FARS2: variants seen among roughly 807,000 people sequenced by gnomAD.
The protein encoded by FARS2 is phenylalanyl-tRNA synthetase 2, mitochondrial.
FARS2 carries 40 observed loss-of-function variants against 46.4 expected under a neutral mutation model. That is an observed-to-expected ratio of 0.86 (90% CI 0.67 to 1.12). The LOEUF (loss-of-function observed/expected upper bound fraction) is 1.12, where lower values mean the gene tolerates loss of function less well. Ranked by LOEUF, FARS2 falls within the 50% of genes most tolerant of loss-of-function variation. The probability of loss-of-function intolerance (pLI) is 0.00; values close to 1 mark genes in which losing one functional copy is unlikely to be tolerated. For missense variants in FARS2, 513 were observed against 567.9 expected (o/e 0.90, Z 0.98); for synonymous variants, 234 against 214.9 (o/e 1.09, Z -0.78).
chr6:5,459,555 G>T (rs888871012), intron 4 of FARS2, among the ~76,000 whole-genome samples: 1 of 152,064 alleles, frequency 6.6e-6, no homozygotes, highest in Non-Finnish European at 1.5e-5. Context: ...GCCCATGTCG[G>T]TGTGCCCAGA....
chr6:5,434,462 A>G (rs1424442215), intron 4 of FARS2, among the ~76,000 whole-genome samples: 1 of 152,222 alleles, frequency 6.6e-6, no homozygotes. Flanking sequence ...AGGAAATGGA[A>G]GAAGAGACAA....
intron 4 of FARS2, among the ~76,000 whole-genome samples, chr6:5,540,872 G>A (rs994935719): frequency 3.3e-5 from 5 of 152,178 alleles, no homozygotes; most frequent in African/African-American, 9.7e-5. Flanking sequence ...TAGGAGAGGG[G>A]CAAGTGTTAG....
At chr6:5,751,070 T>C (rs1320853474) in intron 6 of FARS2, among the ~76,000 whole-genome samples, 1 of 152,178 alleles carries the variant, frequency 6.6e-6, no homozygotes, top group Non-Finnish European at 1.5e-5. Flanking sequence ...TCAATGTTTT[T>C]TCTGAGTTGT....
intron 4 of FARS2, among the ~76,000 whole-genome samples, chr6:5,439,629 G>A (rs2127784433): frequency 6.6e-6 from 1 of 152,348 alleles, no homozygotes; most frequent in Middle Eastern, 3.4e-3. Flanking sequence ...GACCTGAACT[G>A]TAGTTTGGGT....
chr6:5,684,237 G>C (rs1294062175), intron 6 of FARS2, among the ~76,000 whole-genome samples: 1 of 152,080 alleles, frequency 6.6e-6, no homozygotes, highest in Non-Finnish European at 1.5e-5. Context: ...GTCCTCAGAG[G>C]ACCATCCCCG....
Position 5,731,869 on chromosome 6 carries a change from T to C in FARS2, c.1218-39422T>C, listed in dbSNP as rs188130551. ...ACCCTTCCCCCTCTCAGTGTCCTGA[T>C]GTGGTTTATTCTTTCATGTTTCATC... On this transcript the variant is annotated intron_variant, in intron 6 of 6. Coordinates refer to ENST00000274680, the MANE Select transcript of FARS2 (RefSeq NM_006567.5). Among the ~76,000 whole-genome samples the C allele has an allele frequency of 4.3e-3, 648 of 152,112 alleles. 3 individuals are homozygous for C. The highest frequency in any genetic ancestry group is 5.2e-3 in the Admixed American group (79 of 15,296).
chr6:5,260,518 C>T (rs114666246), upstream of FARS2: 3 of 1,260,790 alleles, frequency 2.4e-6, no homozygotes, highest in African/African-American at 1.5e-5. Flanking sequence ...TGGCGGAGCC[C>T]GGTCCTTGCC....
chr6:5,503,405 CAGAG>C (rs869089548), intron 4 of FARS2, among the ~76,000 whole-genome samples: 2,564 of 39,536 alleles, frequency 0.065, 68 homozygotes, highest in African/African-American at 0.21. Flanking sequence ...CACACACACA[CAGAG>C]AGAGAGAGAG....
rs1441485069 is a variant in FARS2 at position 5,444,365 on chromosome 6, G to A, written c.904+13193G>A. Among the ~76,000 whole-genome samples, 4 of 151,338 alleles carry A rather than the reference G, an allele frequency of 2.6e-5. No individual in the cohort carries two copies. In the East Asian group the frequency reaches 7.8e-4, roughly 29 times the overall value. ...GCCTGTAATCCCAGCTACTTGGGAG[G>A]CTGAGGCAGGAGAATCGCTTGAATC... is the stretch of plus-strand genomic sequence containing the variant. On this transcript the variant is annotated intron_variant, in intron 4 of 6. Transcript: ENST00000274680.
chr6:5,451,976 C>G (rs1461121348), intron 4 of FARS2: 1 of 152,210 alleles, frequency 6.6e-6, no homozygotes, highest in South Asian at 2.1e-4. Context: ...TATAGTTACA[C>G]GATAGTTAAC....
chr6:5,298,862 CAAAAAAAAAA>C (rs771852149), intron 1 of FARS2, among the ~76,000 whole-genome samples: 10 of 74,766 alleles, frequency 1.3e-4, no homozygotes, highest in African/African-American at 4.2e-4. Flanking sequence ...AACTCCATCT[CAAAAAAAAAA>C]AAAAAAAAAA....
chr6:5,306,229 A>G (rs1313422938), intron 1 of FARS2, among the ~76,000 whole-genome samples: 1 of 152,142 alleles, frequency 6.6e-6, no homozygotes, highest in Non-Finnish European at 1.5e-5. Context: ...CTCACCCCCA[A>G]TCTGATGAGC....
At chr6:5,530,901 A>G in intron 4 of FARS2, among the ~76,000 whole-genome samples, 1 of 147,390 alleles carries the variant, frequency 6.8e-6, no homozygotes, top group Middle Eastern at 3.6e-3. Context: ...CAATCTATGT[A>G]TAACTATATA....
intron 4 of FARS2, among the ~76,000 whole-genome samples, chr6:5,510,928 C>T (rs1404987199): frequency 6.6e-6 from 1 of 152,206 alleles, no homozygotes; most frequent in Non-Finnish European, 1.5e-5. Context: ...TGCAGCCCCC[C>T]AGTGGGCTTG....
intron 1 of FARS2, among the ~76,000 whole-genome samples, chr6:5,279,380 A>T (rs1376903209): frequency 8.3e-6 from 1 of 120,146 alleles, no homozygotes; most frequent in East Asian, 2.6e-4. Flanking sequence ...CTCTCAAAAA[A>T]AAAAAAAGAA....
chr6:5,370,760 T>G (rs902098693), intron 2 of FARS2, among the ~76,000 whole-genome samples: 1 of 152,208 alleles, frequency 6.6e-6, no homozygotes, highest in Non-Finnish European at 1.5e-5. Context: ...GAAATTAGCC[T>G]TCACCTTGTT....
At chr6:5,625,853 G>A (rs1176814862) in intron 6 of FARS2, among the ~76,000 whole-genome samples, 1 of 152,198 alleles carries the variant, frequency 6.6e-6, no homozygotes, top group Non-Finnish European at 1.5e-5. Flanking sequence ...TCTCCGGAGA[G>A]GTGGGACTGG....
In FARS2 at chr6:5,628,016, AAGGAAAC is replaced by A. The variant is rs563366963; in HGVS notation, c.1217+14698_1217+14704del. Among the ~76,000 whole-genome samples, 99 of 152,340 alleles carry A rather than the reference AAGGAAAC, an allele frequency of 6.5e-4. 2 individuals are homozygous for A. In the South Asian group the frequency reaches 0.02, roughly 31 times the overall value. The stretch of plus-strand genomic sequence containing the variant: ...AATATTCAGATAGGGAAAAGGAAAA[AAGGAAAC>A]AAAAAGAGAAGGGATTTTAACGAGG... On this transcript the variant is annotated intron_variant, in intron 6 of 6. Transcript: ENST00000274680.
intron 3 of FARS2, among the ~76,000 whole-genome samples, chr6:5,423,011 C>G (rs1186022191): frequency 6.6e-6 from 1 of 152,154 alleles, no homozygotes; most frequent in Non-Finnish European, 1.5e-5. Context: ...CCTGAGGTCA[C>G]TCAGCTGCAA....
Sources: gnomAD v4.1 joint callset for allele counts (sites outside exome capture counted in the v4.1 genomes callset) on GRCh38, gnomAD v4.1.1 for gene constraint, MANE v1.5 for transcripts, NCBI Gene and HGNC (gene_info 2026-07-23, HGNC 2026-07-21) for gene names.